The following HMCN1 variants were observed in gnomAD, a reference collection of about 807,000 sequenced individuals.
The protein encoded by HMCN1 is hemicentin 1.
In HMCN1, 321 loss-of-function variants were observed where a neutral mutation model predicts 625.9. The observed-to-expected ratio is 0.51, with a 90% CI of 0.47 to 0.56. The LOEUF (loss-of-function observed/expected upper bound fraction) is 0.56, where lower values mean the gene tolerates loss of function less well. HMCN1 is among the 20% of genes least tolerant of loss of function. The pLI, the probability that HMCN1 is intolerant of heterozygous loss-of-function variation, is 0.00. For synonymous variants in HMCN1, 2,425 were observed against 2,417.6 expected (o/e 1.00, Z -0.09); for missense variants, 6,588 against 6,887.3 (o/e 0.96, Z 1.54).
At position 186,166,196 on chromosome 1, in the gene HMCN1, G is replaced by A; in HGVS notation, c.15332G>A (p.Cys5111Tyr). ...TTTCTTCTTTAAGATGAGGATGAAT[G>A]TGCAGCAGGGAATCCCTGCTCCCAT... The part of the protein sequence containing the change: ...VGPFCADEDE[C>Y]AAGNPCSHSC... Residue 5111 changes from cysteine (C) to tyrosine (Y), a missense_variant, in exon 99 of 107, where the codon TGT (cysteine) becomes TAT (tyrosine). Physicochemically the swap from Cys to Tyr is radical, Grantham distance 194. Around this residue, in one of 3 missense-constraint regions of HMCN1, gnomAD observed 1,954 missense variants for 2,013.1 expected, o/e 0.97. Coordinates refer to ENST00000271588, the MANE Select transcript of HMCN1 (RefSeq NM_031935.3). 6.2e-7 allele frequency: 1 copy of A among 1,614,042 alleles called. No individual in the cohort carries two copies. The highest frequency in any genetic ancestry group is 8.5e-7 in the Non-Finnish European group (1 of 1,179,988).
At chr1:185,915,500 T>C (rs1167152370) in intron 6 of HMCN1, among the ~76,000 whole-genome samples, 1 of 152,080 alleles carries the variant, frequency 6.6e-6, no homozygotes, top group African/African-American at 2.4e-5. Flanking sequence ...AGTGTGATCA[T>C]TTAATTTAAC....
chr1:186,092,356 A>G lies in HMCN1; in HGVS notation c.9888-778A>G, dbSNP rs375803934. Among the ~76,000 whole-genome samples, 5 of 151,950 alleles carry G rather than the reference A, an allele frequency of 3.3e-5. No individual in the cohort carries two copies. The East Asian group carries it at 9.6e-4, about 29-fold the overall frequency. On this transcript the variant is annotated intron_variant, in intron 64 of 106. Transcript: ENST00000271588. ...AATTTTATTTTGAAAAAGAAAAAAT[A>G]CAGCTGTATCCCAGATAATAATATA...
chr1:186,086,110 A>G, intron 57 of HMCN1, 136 bp from the exon 58 acceptor site: 1 of 794,850 alleles, frequency 1.3e-6, no homozygotes, highest in East Asian at 2.6e-5. Flanking sequence ...AGGGAATTGT[A>G]AGACAGACAG....
intron 4 of HMCN1, among the ~76,000 whole-genome samples, chr1:185,890,763 G>A (rs1385051210): frequency 4.6e-4 from 35 of 76,622 alleles, no homozygotes; most frequent in Non-Finnish European, 7.5e-4. Context: ...GGTGTGGTGT[G>A]GTGCTGAAAA....
rs778979608 is a variant in HMCN1 at position 186,189,913 on chromosome 1, C to T, written c.*35C>T. 8.9e-5 allele frequency: 143 copies of T among 1,609,142 alleles called. No individual in the cohort carries two copies. The highest frequency in any genetic ancestry group is 1.9e-4 in the Middle Eastern group (1 of 5,296). ...CAAAGCCTATTCCACATATTTAAAC[C>T]GCATTAATCATGGCAATCAAGCCCC... On this transcript the variant is annotated 3_prime_UTR_variant, in exon 107 of 107. Transcript: ENST00000271588.
At chr1:185,915,675 T>TTTCCTGGGTAGAAAAGCC (rs1666661034) in intron 6 of HMCN1, among the ~76,000 whole-genome samples, 1 of 152,062 alleles carries the variant, frequency 6.6e-6, no homozygotes, top group Non-Finnish European at 1.5e-5. Flanking sequence ...CAGAGCCTAC[T>TTTCCTGGGTAGAAAAGCC]AATGCCTTTT....
Position 186,048,848 on chromosome 1 carries a change from A to G in HMCN1, c.6577+9A>G, listed in dbSNP as rs763621912. ...CAATGTCAACATTTGGGGTAAGTGT[A>G]ATCAGCTCTTGAAAGCAAATAATGC... On this transcript the variant is annotated intron_variant, in intron 42 of 106. Transcript: ENST00000271588. 1.1e-5 allele frequency: 17 copies of G among 1,551,226 alleles called. No homozygotes were observed. The highest frequency in any genetic ancestry group is 1.5e-5 in the Non-Finnish European group (17 of 1,124,602).
intron 1 of HMCN1, among the ~76,000 whole-genome samples, chr1:185,782,562 C>A (rs557141617): frequency 4.0e-4 from 61 of 152,298 alleles, no homozygotes; most frequent in South Asian, 2.3e-3. Context: ...AATCTCTCAG[C>A]ATTTGCTTGT....
At chr1:186,002,873 T>A (rs779286554) in intron 28 of HMCN1, among the ~76,000 whole-genome samples, 2 of 152,114 alleles carry the variant, frequency 1.3e-5, no homozygotes, top group African/African-American at 2.4e-5. Context: ...ACTACTACCT[T>A]CTCCCCAACA....
intron 58 of HMCN1, 55 bp from the exon 59 acceptor site, chr1:186,087,162 A>G: frequency 9.4e-7 from 1 of 1,066,294 alleles, no homozygotes; most frequent in South Asian, 1.2e-5. Flanking sequence ...TTGGTAAAAT[A>G]GTTGTTAGAA....
intron 4 of HMCN1, among the ~76,000 whole-genome samples, chr1:185,892,266 G>A (rs552641521): frequency 4.8e-4 from 72 of 150,856 alleles, no homozygotes; most frequent in African/African-American, 1.4e-3. Flanking sequence ...ATGTCCTCCC[G>A]TAGCTCAGAG....
At chr1:186,013,025 T>C (rs1460832504) in intron 30 of HMCN1, among the ~76,000 whole-genome samples, 1 of 152,146 alleles carries the variant, frequency 6.6e-6, no homozygotes, top group Admixed American at 6.6e-5. Flanking sequence ...AAATAAAATA[T>C]CACAGTATGG....
intron 98 of HMCN1, 84 bp from the exon 99 acceptor site, chr1:186,166,100 A>G (rs1651859734): frequency 6.8e-7 from 1 of 1,470,846 alleles, no homozygotes; most frequent in East Asian, 2.3e-5. Flanking sequence ...GGCCTCTATA[A>G]GCAGTTATTT....
In HMCN1 at chr1:186,094,306, T is replaced by C; in HGVS notation, c.10227T>C (p.Ala3409=). The C allele has an allele frequency of 6.2e-7, 1 of 1,613,384 alleles. No individual in the cohort carries two copies. Among genetic ancestry groups the C allele is most frequent in the Middle Eastern group, 1.7e-4 (1 of 6,058 alleles). The change falls in exon 67 of 107, where the codon GCT becomes GCC. Residue 3409 remains alanine, a synonymous_variant. Coordinates refer to ENST00000271588, the MANE Select transcript of HMCN1 (RefSeq NM_031935.3). ...RIVRAQVSDV[A]VYTCVASNRA... is the part of the protein sequence containing the mutation. ...TGAGAGCTCAGGTGTCTGATGTCGCTGTGTATACTTGTGTGGCCTCCAACA... is the reference window on the plus strand; with the variant it reads ...TGAGAGCTCAGGTGTCTGATGTCGCCGTGTATACTTGTGTGGCCTCCAACA...
At chr1:186,084,016 A>T (rs1659326321) in intron 57 of HMCN1, among the ~76,000 whole-genome samples, 1 of 152,172 alleles carries the variant, frequency 6.6e-6, no homozygotes, top group African/African-American at 2.4e-5. Flanking sequence ...TAAATATTGG[A>T]AAATAAAATA....
rs1650377119 is a variant in HMCN1 at position 185,965,913 on chromosome 1, A to G, written c.2210A>G (p.Lys737Arg). ...CCTCCACCTCAAGTTAAATGGTTCA[A>G]AGGTACATTTCTTCAATATGTTTGT... ...GIPPPQVKWF[K>R]GDLELRPSTF... The change falls in exon 14 of 107, where the codon AAA (lysine) becomes AGA (arginine). Residue 737 changes from lysine (K) to arginine (R), a missense_variant and splice_region_variant. Coordinates refer to ENST00000271588, the MANE Select transcript of HMCN1 (RefSeq NM_031935.3). 1.3e-6 allele frequency: 2 copies of G among 1,492,436 alleles called. No individual in the cohort carries two copies. The highest frequency in any genetic ancestry group is 1.4e-5 in the African/African-American group (1 of 72,546). 92.4% of individuals were successfully genotyped at this position (1,492,436 alleles called of 1,614,324 possible). A position where few individuals can be genotyped will look rare whatever the true frequency, so the allele number is the denominator to read the frequency against.
chr1:185,831,117 T>C (rs1296515223), intron 1 of HMCN1, among the ~76,000 whole-genome samples: 2 of 152,168 alleles, frequency 1.3e-5, no homozygotes, highest in Admixed American at 6.5e-5. Context: ...AAACTTTAGA[T>C]CTTTCATATT....
chr1:186,053,747 A>G (rs1294929595), intron 43 of HMCN1, 78 bp from the exon 44 acceptor site: 3 of 1,448,690 alleles, frequency 2.1e-6, no homozygotes, highest in Admixed American at 1.7e-5. Context: ...AACTGAATAA[A>G]CAAATGTCAT....
chr1:185,956,343 C>A (rs976476320), intron 11 of HMCN1, among the ~76,000 whole-genome samples: 23 of 152,198 alleles, frequency 1.5e-4, no homozygotes, highest in Admixed American at 2.6e-4. Flanking sequence ...CAATTGCAAA[C>A]TGTAGGTTGT....
Sources: allele counts gnomAD v4.1 joint callset (sites outside exome capture counted in the v4.1 genomes callset), GRCh38; gene constraint gnomAD v4.1.1; regional missense constraint gnomAD v4.1.1; transcripts MANE v1.5; gene names NCBI Gene and HGNC (gene_info 2026-07-23, HGNC 2026-07-21).